RBMS1: variants seen among roughly 807,000 people sequenced by gnomAD.
RBMS1 encodes RNA binding motif single stranded interacting protein 1.
RBMS1 carries 17 observed loss-of-function variants against 62.3 expected under a neutral mutation model. The ratio of observed to expected loss-of-function variants is 0.27; its 90% CI spans 0.19 to 0.41. The LOEUF (loss-of-function observed/expected upper bound fraction) is 0.41, where lower values mean the gene tolerates loss of function less well. Ranked by LOEUF, RBMS1 falls within the 10% of genes least tolerant of loss-of-function variation. RBMS1 has a pLI of 1.00. For synonymous variants in RBMS1, 172 were observed against 170.0 expected (o/e 1.01, Z -0.09); for missense variants, 334 against 504.5 (o/e 0.66, Z 3.24).
At chr2:160,440,413 A>G (rs1683365256) in intron 1 of RBMS1, among the ~76,000 whole-genome samples, 1 of 152,024 alleles carries the variant, frequency 6.6e-6, no homozygotes, top group Non-Finnish European at 1.5e-5. Context: ...TTCAGCATAC[A>G]CTTACCAACT....
In RBMS1 at chr2:160,491,185, A is replaced by C. The variant is rs573946990; in HGVS notation, c.75+2104T>G. On this transcript the variant is annotated intron_variant, in intron 1 of 13. Coordinates refer to ENST00000348849, the MANE Select transcript of RBMS1 (RefSeq NM_016836.4). ...TCTAGTCACGTGCCATTTTTAGAAG[A>C]TGTCCCCTTCTGAGATAATCAAGAT... is the stretch of plus-strand genomic sequence containing the variant. 6.6e-5 allele frequency among the ~76,000 whole-genome samples: 10 copies of C among 152,230 alleles called. No individual in the cohort carries two copies. In the East Asian group the frequency reaches 9.7e-4, roughly 15 times the overall value.
chr2:160,312,216 A>C (rs1470647634), intron 4 of RBMS1, among the ~76,000 whole-genome samples: 1 of 152,206 alleles, frequency 6.6e-6, no homozygotes, highest in East Asian at 1.9e-4. Context: ...AGGCATCATT[A>C]CTTTTGGAAG....
rs1695839314 is a variant in RBMS1 at position 160,407,825 on chromosome 2, G to C, written c.76-40434C>G. ...ACGGGAGTTCGCGCGCGGAGCTGGCGGCGTCGCCGACTCTCCCGGCGGCAG... is the reference window on the plus strand; with the variant it reads ...ACGGGAGTTCGCGCGCGGAGCTGGCCGCGTCGCCGACTCTCCCGGCGGCAG... On this transcript the variant is annotated intron_variant, in intron 1 of 13. Coordinates refer to ENST00000348849, the MANE Select transcript of RBMS1 (RefSeq NM_016836.4). 3.1e-6 allele frequency: 3 copies of C among 981,156 alleles called. No individual in the cohort carries two copies. The South Asian group carries it at 1.4e-4, about 46-fold the overall frequency. The allele number at this position is 981,156 out of a possible 1,614,324, so 60.8% of individuals were successfully genotyped here.
At chr2:160,320,679 T>C (rs1393219906) in intron 2 of RBMS1, among the ~76,000 whole-genome samples, 3 of 152,062 alleles carry the variant, frequency 2.0e-5, no homozygotes, top group Non-Finnish European at 2.9e-5. Flanking sequence ...ACACACCTTC[T>C]CCCCTTTGCC....
At chr2:160,283,795 C>T (rs1023969071) in intron 9 of RBMS1, 1 of 152,072 alleles carries the variant, frequency 6.6e-6, no homozygotes, top group African/African-American at 2.4e-5. Context: ...TATACAGTCT[C>T]ATTTGGTTTT....
intron 2 of RBMS1, among the ~76,000 whole-genome samples, chr2:160,343,994 A>G (rs1559414243): frequency 6.6e-6 from 1 of 152,180 alleles, no homozygotes; most frequent in Non-Finnish European, 1.5e-5. Flanking sequence ...CAAATATAAC[A>G]TCTTCAAAAG....
intron 2 of RBMS1, among the ~76,000 whole-genome samples, chr2:160,335,376 G>A (rs1403949839): frequency 6.6e-6 from 1 of 152,134 alleles, no homozygotes; most frequent in Non-Finnish European, 1.5e-5. Context: ...GGGCTGAGAT[G>A]CTCTTACTGT....
intron 4 of RBMS1, among the ~76,000 whole-genome samples, chr2:160,304,397 A>G (rs1452648548): frequency 6.7e-6 from 1 of 149,856 alleles, no homozygotes; most frequent in African/African-American, 2.4e-5. Flanking sequence ...CTTCCTATCT[A>G]AGTTTATTTT....
intron 1 of RBMS1, among the ~76,000 whole-genome samples, chr2:160,438,306 G>A (rs1683205008): frequency 2.0e-5 from 3 of 150,222 alleles, no homozygotes; most frequent in Admixed American, 2.0e-4. Flanking sequence ...GTTTCTCGCA[G>A]AGGGGGATTT....
chr2:160,295,798 C>A (rs1328434130), intron 6 of RBMS1, among the ~76,000 whole-genome samples: 1 of 152,210 alleles, frequency 6.6e-6, no homozygotes, highest in African/African-American at 2.4e-5. Flanking sequence ...AACTGAAGAG[C>A]TTTTGTTGTT....
intron 1 of RBMS1, among the ~76,000 whole-genome samples, chr2:160,475,812 CAT>C (rs893450828): frequency 3.3e-5 from 5 of 151,326 alleles, no homozygotes; most frequent in African/African-American, 1.2e-4. Flanking sequence ...ATGCCCCATC[CAT>C]ATGTTATTTT....
At chr2:160,448,015 T>C (rs1176055261) in intron 1 of RBMS1, among the ~76,000 whole-genome samples, 1 of 152,204 alleles carries the variant, frequency 6.6e-6, no homozygotes, top group East Asian at 1.9e-4. Context: ...AATCAGATCA[T>C]AGGCTATGTT....
In RBMS1 at chr2:160,426,327, AAGG is replaced by A. The variant is rs1276239144; in HGVS notation, c.76-58939_76-58937del. On this transcript the variant is annotated intron_variant, in intron 1 of 13. Coordinates refer to ENST00000348849, the MANE Select transcript of RBMS1 (RefSeq NM_016836.4). ...GAAGGAAGGAAGGAAGGAAGGAAGGAAGGAAGGAAAGGAAGGAAGGAAAGAGGG... is the reference window on the plus strand; with the variant it reads ...GAAGGAAGGAAGGAAGGAAGGAAGGAAAGGAAAGGAAGGAAGGAAAGAGGG... 1.3e-3 allele frequency among the ~76,000 whole-genome samples: 152 copies of A among 114,866 alleles called. 10 individuals carry two copies. Among genetic ancestry groups the A allele is most frequent in the Middle Eastern group, 4.3e-3 (1 of 232 alleles). The allele number at this position is 114,866 out of a possible 152,430, so 75.4% of individuals were successfully genotyped here. A position where few individuals can be genotyped will look rare whatever the true frequency, so the allele number is the denominator to read the frequency against.
intron 1 of RBMS1, among the ~76,000 whole-genome samples, chr2:160,382,590 A>G (rs576689837): frequency 1.3e-5 from 2 of 152,330 alleles, no homozygotes; most frequent in Non-Finnish European, 2.9e-5. Context: ...TCACTTTGGG[A>G]TCCTCCTGCC....
intron 3 of RBMS1, among the ~76,000 whole-genome samples, chr2:160,313,591 TAATC>T (rs1177144197): frequency 6.6e-6 from 1 of 151,190 alleles, no homozygotes; most frequent in Non-Finnish European, 1.5e-5. Flanking sequence ...AGAAAAAAAA[TAATC>T]AACTTCAGGG....
intron 2 of RBMS1, among the ~76,000 whole-genome samples, chr2:160,336,089 A>C (rs567535887): frequency 6.6e-6 from 1 of 152,294 alleles, no homozygotes; most frequent in South Asian, 2.1e-4. Flanking sequence ...ACACACTATC[A>C]AATTGGCAAA....
At chr2:160,343,969 C>T (rs1692034605) in intron 2 of RBMS1, among the ~76,000 whole-genome samples, 1 of 152,074 alleles carries the variant, frequency 6.6e-6, no homozygotes, top group Admixed American at 6.6e-5. Flanking sequence ...TTTTCCTATC[C>T]TACTCTTTGT....
chr2:160,307,884 T>C (rs1439344492), intron 4 of RBMS1, among the ~76,000 whole-genome samples: 1 of 152,178 alleles, frequency 6.6e-6, no homozygotes, highest in Non-Finnish European at 1.5e-5. Context: ...AATTTAGTTT[T>C]GAATATTTGT....
At chr2:160,400,746 G>A (rs991968214) in intron 1 of RBMS1, among the ~76,000 whole-genome samples, 1 of 151,936 alleles carries the variant, frequency 6.6e-6, no homozygotes, top group Non-Finnish European at 1.5e-5. Flanking sequence ...TAAAAAATAG[G>A]AAAATTTTAA....
Sources: gnomAD v4.1 joint callset for allele counts (sites outside exome capture counted in the v4.1 genomes callset) on GRCh38, gnomAD v4.1.1 for gene constraint, MANE v1.5 for transcripts, NCBI Gene and HGNC (gene_info 2026-07-23, HGNC 2026-07-21) for gene names.